Variants in KCNJ15 observed in about 807,000 individuals in gnomAD.
The protein encoded by KCNJ15 is ATP-sensitive inward rectifier potassium channel 15.
In KCNJ15, 14 loss-of-function variants were observed where a neutral mutation model predicts 23.0. The observed-to-expected ratio is 0.61, with a 90% confidence interval of 0.40 to 0.95. The LOEUF (loss-of-function observed/expected upper bound fraction) is 0.95, where lower values mean the gene tolerates loss of function less well. Among genes scored for constraint, KCNJ15 ranks in the 40% least tolerant of loss-of-function variants. The pLI, the probability that KCNJ15 is intolerant of heterozygous loss-of-function variation, is 0.00. For synonymous variants in KCNJ15, 185 were observed against 183.2 expected (o/e 1.01, Z -0.08); for missense variants, 388 against 461.8 (o/e 0.84, Z 1.46).
intron 1 of KCNJ15, among the ~76,000 whole-genome samples, chr21:38,290,564 T>G (rs1984494088): frequency 6.6e-6 from 1 of 152,212 alleles, no homozygotes; most frequent in Non-Finnish European, 1.5e-5. Context: ...AAGGCATCAC[T>G]AGCAAACTCC....
chr21:38,296,835 C>T (rs572775502), intron 1 of KCNJ15, 91 bp from the exon 2 acceptor site: 4 of 152,814 alleles, frequency 2.6e-5, no homozygotes, highest in African/African-American at 7.2e-5. Flanking sequence ...GTAAATGCCA[C>T]TGCGTAACTC....
chr21:38,254,002 T>C (rs1368552442), upstream of KCNJ15, among the ~76,000 whole-genome samples: 2 of 152,248 alleles, frequency 1.3e-5, no homozygotes, highest in African/African-American at 2.4e-5. Flanking sequence ...TGTTATTTCA[T>C]GTAATCTTAT....
chr21:38,253,197 G>A (rs1979955063), upstream of KCNJ15, among the ~76,000 whole-genome samples: 1 of 152,170 alleles, frequency 6.6e-6, no homozygotes, highest in South Asian at 2.1e-4. Context: ...ACCACTTTGG[G>A]TTCCTCCTGG....
At chr21:38,246,034 A>C (rs1979352228) in intron 1 of KCNJ15, among the ~76,000 whole-genome samples, 1 of 152,250 alleles carries the variant, frequency 6.6e-6, no homozygotes. Context: ...ATAAAGTAAG[A>C]AGAATAATAC....
At chr21:38,240,336 C>T (rs1236184118) in intron 1 of KCNJ15, among the ~76,000 whole-genome samples, 1 of 152,140 alleles carries the variant, frequency 6.6e-6, no homozygotes, top group Non-Finnish European at 1.5e-5. Context: ...ATATTTGAAG[C>T]CACTCTGGCC....
intron 1 of KCNJ15, among the ~76,000 whole-genome samples, chr21:38,244,530 C>A (rs1249930798): frequency 6.6e-6 from 1 of 152,212 alleles, no homozygotes; most frequent in Non-Finnish European, 1.5e-5. Context: ...TTCATCCAGG[C>A]AGTGCCCTTA....
Position 38,300,023 on chromosome 21 carries a change from C to A in KCNJ15, c.762C>A (p.Phe254Leu), listed in dbSNP as rs1245248550. ...CCTTCCTCATTCTGCCCATGACATT[C>A]TACCATGTGCTGGATGAGACGAGCC... is the stretch of plus-strand genomic sequence containing the variant. ...ESPFLILPMTFYHVLDETSPL... is the reference protein window; with the variant it reads ...ESPFLILPMTLYHVLDETSPL... The change falls in exon 3 of 3, where the codon TTC becomes TTA. Residue 254 changes from phenylalanine to leucine, a missense_variant. Transcript: ENST00000398938. 6.2e-7 allele frequency: 1 copy of A among 1,614,100 alleles called. No homozygotes were observed. The highest frequency in any genetic ancestry group is 1.7e-5 in the Admixed American group (1 of 60,018).
intron 1 of KCNJ15, among the ~76,000 whole-genome samples, chr21:38,251,386 G>T: frequency 6.6e-6 from 1 of 152,176 alleles, no homozygotes; most frequent in East Asian, 1.9e-4. Context: ...CCGGATCACC[G>T]TTGGGTTCAT....
rs1158405070 is a variant in KCNJ15 at position 38,303,694 on chromosome 21, T to C, written c.*3305T>C. 2 of 152,236 alleles carry C rather than the reference T, an allele frequency of 1.3e-5. No individual in the cohort carries two copies. The highest frequency in any genetic ancestry group is 4.8e-5 in the African/African-American group (2 of 41,456). 9.4% of individuals were successfully genotyped at this position (152,236 alleles called of 1,614,324 possible). A position where few individuals can be genotyped will look rare whatever the true frequency, so the allele number is the denominator to read the frequency against. On this transcript the variant is annotated 3_prime_UTR_variant, in exon 3 of 3. Coordinates refer to ENST00000398938, the MANE Select transcript of KCNJ15 (RefSeq NM_170736.3). ...TTAATAAATCAAAACAACTATTTTGTTGGATTTTTATTTGAATTAAATTTC... is the reference window on the plus strand; with the variant it reads ...TTAATAAATCAAAACAACTATTTTGCTGGATTTTTATTTGAATTAAATTTC...
intron 1 of KCNJ15, among the ~76,000 whole-genome samples, 170 bp downstream of exon 1, chr21:38,257,355 A>C (rs552667902): frequency 1.3e-5 from 2 of 152,324 alleles, no homozygotes; most frequent in East Asian, 1.9e-4. Flanking sequence ...TGCTGTTTGC[A>C]TGTGGAAAAC....
chr21:38,290,585 T>C (rs532856534), intron 1 of KCNJ15, among the ~76,000 whole-genome samples: 2 of 152,206 alleles, frequency 1.3e-5, no homozygotes, highest in East Asian at 1.9e-4. Flanking sequence ...AGCTACCGAA[T>C]TGCTTGGGGA....
At chr21:38,254,769 C>T (rs1413692669), upstream of KCNJ15, among the ~76,000 whole-genome samples, 4 of 152,132 alleles carry the variant, frequency 2.6e-5, no homozygotes, top group African/African-American at 4.8e-5. Context: ...CCTTAAAATA[C>T]AACTAATCAT....
chr21:38,287,300 T>A (rs1984012788), intron 1 of KCNJ15, among the ~76,000 whole-genome samples: 1 of 152,222 alleles, frequency 6.6e-6, no homozygotes, highest in Non-Finnish European at 1.5e-5. Flanking sequence ...GAGTTTTTAG[T>A]ACTGGGAAAA....
chr21:38,297,788 A>G (rs1023927408), intron 2 of KCNJ15, among the ~76,000 whole-genome samples: 5 of 152,240 alleles, frequency 3.3e-5, no homozygotes, highest in African/African-American at 1.2e-4. Context: ...TTCAACAAAA[A>G]TGAAAACGTG....
chr21:38,279,490 G>A (rs1983096682), intron 1 of KCNJ15, among the ~76,000 whole-genome samples: 1 of 152,190 alleles, frequency 6.6e-6, no homozygotes, highest in Non-Finnish European at 1.5e-5. Context: ...CATCAGAAAA[G>A]TAGAGGTCAA....
rs1404189606 is a variant in KCNJ15, at chr21:38,306,727, C to G, written c.*6338C>G. 6.6e-6 allele frequency: 1 copy of G among 152,148 alleles called. No homozygotes were observed. The highest frequency in any genetic ancestry group is 1.5e-5 in the Non-Finnish European group (1 of 68,032). The allele number at this position is 152,148 out of a possible 1,614,324, so 9.4% of individuals were successfully genotyped here. ...CCAGGAGAGGAAGGATAGCAGCCGA[C>G]TTGGATCCATTTTTGAGGAATTATT... On this transcript the variant is annotated 3_prime_UTR_variant, in exon 3 of 3. Transcript: ENST00000398938.
At chr21:38,247,129 CATGG>C (rs1393284410) in intron 1 of KCNJ15, among the ~76,000 whole-genome samples, 3 of 65,592 alleles carry the variant, frequency 4.6e-5, no homozygotes, top group African/African-American at 1.2e-4. Flanking sequence ...TGGATGGATG[CATGG>C]ATGGATGGAT....
At chr21:38,293,565 AAC>A (rs1984844338) in intron 1 of KCNJ15, among the ~76,000 whole-genome samples, 1 of 152,204 alleles carries the variant, frequency 6.6e-6, no homozygotes, top group Non-Finnish European at 1.5e-5. Context: ...ACATCTTCCA[AAC>A]ACAGGTCACT....
intron 1 of KCNJ15, among the ~76,000 whole-genome samples, chr21:38,290,154 A>G (rs1184138788): frequency 6.6e-6 from 1 of 152,178 alleles, no homozygotes. Flanking sequence ...AGTAAATGAT[A>G]CCTCTGGCTT....
Sources: gnomAD v4.1 joint callset for allele counts (sites outside exome capture counted in the v4.1 genomes callset) on GRCh38, gnomAD v4.1.1 for gene constraint, MANE v1.5 for transcripts, NCBI Gene and HGNC (gene_info 2026-07-23, HGNC 2026-07-21) for gene names.